The following FRYL variants were observed in gnomAD, a reference collection of about 807,000 sequenced individuals.
FRYL encodes the protein protein furry homolog-like.
FRYL carries 150 observed loss-of-function variants against 351.2 expected under a neutral mutation model. The ratio of observed to expected loss-of-function variants is 0.43; its 90% CI spans 0.37 to 0.49. FRYL has a LOEUF of 0.49. FRYL is among the 20% of genes least tolerant of loss of function. FRYL has a pLI of 0.00. For synonymous variants in FRYL, 1,153 were observed against 1,257.1 expected, an observed-to-expected ratio of 0.92 and a Z score of 1.75; for missense variants, 3,036 against 3,619.3, an observed-to-expected ratio of 0.84 and a Z score of 4.13.
intron 24 of FRYL, 30 bp from the exon 25 acceptor site, chr4:48,575,271 C>T: frequency 6.2e-7 from 1 of 1,606,344 alleles, no homozygotes; most frequent in Admixed American, 1.7e-5. Context: ...TTTGTAACAG[C>T]CACTAATGAT....
At chr4:48,668,793 T>C (rs1762187506) in intron 3 of FRYL, among the ~76,000 whole-genome samples, 1 of 152,226 alleles carries the variant, frequency 6.6e-6, no homozygotes, top group Non-Finnish European at 1.5e-5. Context: ...CCTTGTAGAT[T>C]CCAGTTTCAG....
chr4:48,705,046 A>G (rs1767167150), intron 2 of FRYL, among the ~76,000 whole-genome samples: 3 of 151,852 alleles, frequency 2.0e-5, no homozygotes, highest in African/African-American at 7.2e-5. Context: ...GCTTGAACCC[A>G]GGAGGTGGAA....
chr4:48,746,289 G>C (rs547001399), intron 1 of FRYL, among the ~76,000 whole-genome samples: 62 of 151,954 alleles, frequency 4.1e-4, no homozygotes, highest in African/African-American at 1.4e-3. Context: ...GTCTGCAGCT[G>C]GGCACGGTGG....
chr4:48,671,666 TCAAAACAAAA>T (rs552656280), intron 3 of FRYL, among the ~76,000 whole-genome samples: 1 of 141,846 alleles, frequency 7.0e-6, no homozygotes, highest in Non-Finnish European at 1.6e-5. Flanking sequence ...AAACTCCATC[TCAAAACAAAA>T]CAAAACAAAA....
At chr4:48,628,925 G>C (rs1455480430) in intron 4 of FRYL, among the ~76,000 whole-genome samples, 2 of 151,422 alleles carry the variant, frequency 1.3e-5, no homozygotes, top group East Asian at 1.9e-4. Context: ...AAAAACTGTT[G>C]ATAGTGATTA....
chr4:48,614,123 CG>C (rs779663085), intron 7 of FRYL, among the ~76,000 whole-genome samples: 1 of 151,808 alleles, frequency 6.6e-6, no homozygotes, highest in Non-Finnish European at 1.5e-5. Context: ...AGACAGAGTT[CG>C]AGGTGTGATA....
chr4:48,752,021 T>C (rs1773298961), intron 1 of FRYL, among the ~76,000 whole-genome samples: 1 of 152,164 alleles, frequency 6.6e-6, no homozygotes, highest in African/African-American at 2.4e-5. Context: ...TGAAAGACTT[T>C]CCTCAATGAT....
At chr4:48,760,630 A>G (rs566138900) in intron 1 of FRYL, among the ~76,000 whole-genome samples, 1 of 152,250 alleles carries the variant, frequency 6.6e-6, no homozygotes, top group East Asian at 1.9e-4. Flanking sequence ...ACCTTAGGGA[A>G]AATGTTGTCA....
chr4:48,633,453 G>T (rs1360099021), intron 4 of FRYL, among the ~76,000 whole-genome samples: 2 of 152,102 alleles, frequency 1.3e-5, no homozygotes, highest in Non-Finnish European at 2.9e-5. Flanking sequence ...TTCTCAAAAA[G>T]AATTTCCAAC....
chr4:48,644,500 A>T (rs1445765834), intron 3 of FRYL, among the ~76,000 whole-genome samples: 1 of 144,130 alleles, frequency 6.9e-6, no homozygotes, highest in Non-Finnish European at 1.5e-5. Flanking sequence ...ATAATTGTAA[A>T]AAAAAAAAAA....
chr4:48,626,048 G>A (rs188952747), intron 4 of FRYL, among the ~76,000 whole-genome samples: 2 of 152,020 alleles, frequency 1.3e-5, no homozygotes, highest in East Asian at 3.9e-4. Flanking sequence ...TTGCTGCTGG[G>A]GTTTCTAGTA....
At chr4:48,774,772 T>C (rs554879589) in intron 1 of FRYL, among the ~76,000 whole-genome samples, 1 of 152,252 alleles carries the variant, frequency 6.6e-6, no homozygotes, top group Admixed American at 6.5e-5. Context: ...GGTCTCGAAC[T>C]CCTATCCTCA....
At chr4:48,543,784 G>A in intron 44 of FRYL, 23 bp downstream of exon 44, 1 of 1,601,482 alleles carries the variant, frequency 6.2e-7, no homozygotes, top group Non-Finnish European at 8.5e-7. Flanking sequence ...CTCAATAACT[G>A]CTGAAAGAAT....
intron 27 of FRYL, among the ~76,000 whole-genome samples, chr4:48,569,641 A>C (rs1209295097): frequency 1.3e-5 from 2 of 152,066 alleles, no homozygotes; most frequent in Admixed American, 6.6e-5. Context: ...AAGAAAAGTA[A>C]ATCAATGGTT....
chr4:48,750,736 T>C (rs1223930525), intron 1 of FRYL, among the ~76,000 whole-genome samples: 1 of 152,152 alleles, frequency 6.6e-6, no homozygotes, highest in South Asian at 2.1e-4. Context: ...CAAAAAATTA[T>C]GGAGAGGGAG....
chr4:48,500,775 T>C (rs1719408238), intron 62 of FRYL, among the ~76,000 whole-genome samples: 1 of 152,160 alleles, frequency 6.6e-6, no homozygotes, highest in Non-Finnish European at 1.5e-5. Flanking sequence ...TTTTTTCTTG[T>C]GTGCACTAAT....
At chr4:48,661,630 T>TC (rs1312968784) in intron 3 of FRYL, among the ~76,000 whole-genome samples, 1 of 152,178 alleles carries the variant, frequency 6.6e-6, no homozygotes, top group African/African-American at 2.4e-5. Flanking sequence ...GTAACTGCCT[T>TC]CCAAAACAAA....
intron 3 of FRYL, chr4:48,638,488 A>G (rs1299015312): frequency 3.9e-5 from 6 of 152,210 alleles, no homozygotes; most frequent in Admixed American, 3.9e-4. Context: ...GAGAAACAGG[A>G]ATGCTTTTAC....
At chr4:48,675,850 T>C (rs1763574890) in intron 3 of FRYL, among the ~76,000 whole-genome samples, 1 of 152,122 alleles carries the variant, frequency 6.6e-6, no homozygotes, top group African/African-American at 2.4e-5. Context: ...AGCTCAGGGG[T>C]TGTAAATACA....
Sources: allele counts gnomAD v4.1 joint callset (sites outside exome capture counted in the v4.1 genomes callset), GRCh38; gene constraint gnomAD v4.1.1; transcripts MANE v1.5; gene names NCBI Gene and HGNC (gene_info 2026-07-23, HGNC 2026-07-21).